The following CTNNA2 variants were observed in gnomAD, a reference collection of about 807,000 sequenced individuals.
CTNNA2 encodes the protein catenin alpha 2.
In CTNNA2, 42 loss-of-function variants were observed where a neutral mutation model predicts 101.0. The observed-to-expected ratio is 0.42, with a 90% CI of 0.32 to 0.54. CTNNA2 has a LOEUF of 0.54. Among genes scored for constraint, CTNNA2 ranks in the 20% least tolerant of loss-of-function variants. The pLI, the probability that CTNNA2 is intolerant of heterozygous loss-of-function variation, is 0.14. For synonymous variants in CTNNA2, 450 were observed against 456.4 expected, an observed-to-expected ratio of 0.99 and a Z score of 0.18; for missense variants, 871 against 1,223.1, an observed-to-expected ratio of 0.71 and a Z score of 4.29.
chr2:80,492,207 G>C (rs1378698037), intron 9 of CTNNA2, among the ~76,000 whole-genome samples: 2 of 152,122 alleles, frequency 1.3e-5, no homozygotes, highest in Non-Finnish European at 2.9e-5. Flanking sequence ...TTAAAAGTGT[G>C]TAGCACCTTC....
intron 7 of CTNNA2, among the ~76,000 whole-genome samples, chr2:80,007,504 C>T (rs1027971026): frequency 1.3e-5 from 2 of 151,992 alleles, no homozygotes; most frequent in Non-Finnish European, 2.9e-5. Flanking sequence ...AAAAACATGC[C>T]ATGTAGACAT....
At chr2:79,876,470 G>A (rs1445321366) in intron 6 of CTNNA2, among the ~76,000 whole-genome samples, 1 of 152,120 alleles carries the variant, frequency 6.6e-6, no homozygotes, top group African/African-American at 2.4e-5. Context: ...GTCAGATTTT[G>A]ACACAATTAC....
At chr2:80,335,552 G>GT (rs34881747) in intron 7 of CTNNA2, among the ~76,000 whole-genome samples, 11,458 of 152,070 alleles carry the variant, frequency 0.075, 438 homozygotes, top group Non-Finnish European at 0.089. Context: ...CAGTCTAATT[G>GT]TTTTTTCTCA....
intron 9 of CTNNA2, among the ~76,000 whole-genome samples, chr2:80,482,250 C>G (rs1210307566): frequency 6.6e-6 from 1 of 152,098 alleles, no homozygotes; most frequent in Non-Finnish European, 1.5e-5. Context: ...ACCTTGAAAC[C>G]TAAGTGGCTG....
chr2:79,616,729 AT>A (rs1678646239), intron 1 of CTNNA2, among the ~76,000 whole-genome samples: 1 of 152,014 alleles, frequency 6.6e-6, no homozygotes, highest in South Asian at 2.1e-4. Flanking sequence ...TTATGTTTAT[AT>A]GTTTCTGAAA....
At chr2:80,042,988 T>C (rs1696170174) in intron 7 of CTNNA2, among the ~76,000 whole-genome samples, 1 of 151,082 alleles carries the variant, frequency 6.6e-6, no homozygotes, top group Admixed American at 6.6e-5. Context: ...TTCCCTTCCT[T>C]TCCTTTCCTT....
intron 4 of CTNNA2, among the ~76,000 whole-genome samples, chr2:79,429,702 A>C (rs900019992): frequency 3.3e-5 from 5 of 152,210 alleles, no homozygotes; most frequent in Non-Finnish European, 5.9e-5. Context: ...ACACAGATTT[A>C]AACTGAATAA....
At chr2:80,561,872 C>T (rs1198788317) in intron 12 of CTNNA2, among the ~76,000 whole-genome samples, 1 of 133,526 alleles carries the variant, frequency 7.5e-6, no homozygotes, top group East Asian at 2.1e-4. Context: ...GATGGGGTTT[C>T]ACCATGTTGG....
intron 9 of CTNNA2, among the ~76,000 whole-genome samples, chr2:80,502,099 A>G (rs1043630106): frequency 7.2e-5 from 11 of 152,310 alleles, no homozygotes; most frequent in Non-Finnish European, 1.6e-4. Flanking sequence ...CAGCAAATAG[A>G]AAAACCTGGC....
intron 4 of CTNNA2, among the ~76,000 whole-genome samples, chr2:79,405,191 C>G (rs988099130): frequency 2.6e-5 from 4 of 152,056 alleles, no homozygotes; most frequent in Non-Finnish European, 2.9e-5. Context: ...CAGAGACTCC[C>G]TCTTTCCTCC....
chr2:80,517,740 C>A (rs1299163292), intron 9 of CTNNA2, among the ~76,000 whole-genome samples: 1 of 152,102 alleles, frequency 6.6e-6, no homozygotes. Context: ...GCCACATAAC[C>A]CCAAATCGTT....
intron 2 of CTNNA2, among the ~76,000 whole-genome samples, chr2:79,245,921 T>A (rs1163388580): frequency 6.6e-6 from 1 of 152,180 alleles, no homozygotes; most frequent in Non-Finnish European, 1.5e-5. Context: ...AGGGAAAGCC[T>A]CAAGGCATTT....
chr2:80,553,089 T>C (rs1692719268), intron 11 of CTNNA2, among the ~76,000 whole-genome samples: 2 of 150,832 alleles, frequency 1.3e-5, no homozygotes, highest in African/African-American at 4.9e-5. Context: ...CCAGGTGTGA[T>C]GGTGCATGCC....
chr2:79,566,507 T>C (rs1675123682), intron 1 of CTNNA2, among the ~76,000 whole-genome samples: 1 of 152,172 alleles, frequency 6.6e-6, no homozygotes, highest in Admixed American at 6.6e-5. Flanking sequence ...TCAAATCTAT[T>C]GCATATTGAA....
At chr2:80,434,982 T>C (rs1681905230) in intron 9 of CTNNA2, among the ~76,000 whole-genome samples, 1 of 152,132 alleles carries the variant, frequency 6.6e-6, no homozygotes, top group African/African-American at 2.4e-5. Context: ...TTATTGTGTA[T>C]CAGGGTTTCT....
chr2:79,949,116 T>G (rs1688705106), intron 7 of CTNNA2, among the ~76,000 whole-genome samples: 1 of 152,214 alleles, frequency 6.6e-6, no homozygotes, highest in Non-Finnish European at 1.5e-5. Flanking sequence ...TTATATAAAC[T>G]TTCAAATGCT....
chr2:79,531,908 C>G (rs1049667215), intron 1 of CTNNA2, among the ~76,000 whole-genome samples: 2 of 152,060 alleles, frequency 1.3e-5, no homozygotes, highest in African/African-American at 4.8e-5. Flanking sequence ...TCTCGAACTC[C>G]TGACCTCGTG....
intron 6 of CTNNA2, among the ~76,000 whole-genome samples, chr2:79,906,907 C>A (rs1454961888): frequency 6.6e-6 from 1 of 152,126 alleles, no homozygotes; most frequent in African/African-American, 2.4e-5. Context: ...GCCAGGGAAC[C>A]TTATTTTTTC....
chr2:79,485,311 C>T (rs945955174), intron 4 of CTNNA2, among the ~76,000 whole-genome samples: 1 of 152,062 alleles, frequency 6.6e-6, no homozygotes, highest in African/African-American at 2.4e-5. Flanking sequence ...AACAGAGGAG[C>T]TATTTTAAAC....
Sources: allele counts gnomAD v4.1 joint callset (sites outside exome capture counted in the v4.1 genomes callset), GRCh38; gene constraint gnomAD v4.1.1; transcripts MANE v1.5; gene names NCBI Gene and HGNC (gene_info 2026-07-23, HGNC 2026-07-21).